Variants in SDK1 observed in about 807,000 individuals in gnomAD.
The protein encoded by SDK1 is sidekick cell adhesion molecule 1.
A neutral mutation model predicts 245.5 loss-of-function variants in SDK1; 157 were observed. The observed-to-expected ratio is 0.64, with a 90% CI of 0.56 to 0.73. The LOEUF (loss-of-function observed/expected upper bound fraction) is 0.73, where lower values mean the gene tolerates loss of function less well. Among genes scored for constraint, SDK1 ranks in the 30% least tolerant of loss-of-function variants. SDK1 has a pLI of 0.00. For missense variants in SDK1, 3,583 were observed against 3,002.3 expected, an observed-to-expected ratio of 1.19 and a Z score of -4.52; for synonymous variants, 1,647 against 1,278.5, an observed-to-expected ratio of 1.29 and a Z score of -6.15.
chr7:3,804,212 T>C (rs943609489), intron 4 of SDK1, among the ~76,000 whole-genome samples: 1 of 152,238 alleles, frequency 6.6e-6, no homozygotes, highest in African/African-American at 2.4e-5. Flanking sequence ...CCTAAAAATT[T>C]TACAGTTTTA....
intron 22 of SDK1, among the ~76,000 whole-genome samples, chr7:4,098,198 C>G (rs766871746): frequency 2.0e-5 from 3 of 152,120 alleles, no homozygotes; most frequent in Non-Finnish European, 2.9e-5. Flanking sequence ...TATTATGGGA[C>G]CTTTAAAACT....
chr7:4,256,365 G>A lies in SDK1; in HGVS notation c.6382-8759G>A, dbSNP rs571278386. Among the ~76,000 whole-genome samples the A allele has an allele frequency of 1.5e-4, 23 of 152,356 alleles. No homozygotes were observed. The East Asian group carries it at 4.0e-3, about 27-fold the overall frequency. On this transcript the variant is annotated intron_variant, in intron 44 of 44. Transcript: ENST00000404826. ...GCTAGTAACTCTGATATTCAGAGGG[G>A]ACTGGGAAGAAATGTGGGCTTTGGC...
chr7:4,266,181 G>A lies in SDK1; in HGVS notation c.*797G>A, dbSNP rs1318355708. The A allele has an allele frequency of 1.0e-6, 1 of 985,356 alleles. No individual in the cohort carries two copies. The highest frequency in any genetic ancestry group is 1.7e-5 in the African/African-American group (1 of 57,240). The allele number at this position is 985,356 out of a possible 1,614,324, so 61.0% of individuals were successfully genotyped here. On this transcript the variant is annotated 3_prime_UTR_variant, in exon 45 of 45. Coordinates refer to ENST00000404826, the MANE Select transcript of SDK1 (RefSeq NM_152744.4). ...ACACAGCACACGGTCAACTCCGCGG[G>A]ACACGAGGACACGGGACGGCGTCTC...
chr7:3,472,020 C>T (rs950987281), intron 1 of SDK1, among the ~76,000 whole-genome samples: 8 of 152,108 alleles, frequency 5.3e-5, no homozygotes, highest in African/African-American at 1.9e-4. Flanking sequence ...CTTTTGTAAT[C>T]GGTATGACCC....
intron 14 of SDK1, among the ~76,000 whole-genome samples, chr7:3,988,967 G>C (rs541237399): frequency 6.6e-6 from 1 of 152,246 alleles, no homozygotes; most frequent in African/African-American, 2.4e-5. Flanking sequence ...ATATTGGCCA[G>C]GCTGGTCTCA....
chr7:3,805,878 T>C (rs2115040607), intron 4 of SDK1, among the ~76,000 whole-genome samples: 1 of 152,296 alleles, frequency 6.6e-6, no homozygotes. Flanking sequence ...CTTTAAACCC[T>C]TTTTCTCCTT....
At chr7:3,632,472 G>T (rs561705749) in intron 2 of SDK1, among the ~76,000 whole-genome samples, 3 of 152,214 alleles carry the variant, frequency 2.0e-5, no homozygotes, top group Non-Finnish European at 2.9e-5. Flanking sequence ...AGTTATCGAA[G>T]ATTAACATCT....
chr7:3,517,535 C>G (rs1433924871), intron 1 of SDK1, among the ~76,000 whole-genome samples: 2 of 152,108 alleles, frequency 1.3e-5, no homozygotes, highest in Admixed American at 1.3e-4. Flanking sequence ...TGACCTGTTG[C>G]ATTAGGAAAT....
At chr7:4,044,976 C>T (rs939042747) in intron 17 of SDK1, among the ~76,000 whole-genome samples, 1 of 152,114 alleles carries the variant, frequency 6.6e-6, no homozygotes, top group African/African-American at 2.4e-5. Flanking sequence ...GTTTTTTCTT[C>T]TTATATCTTT....
intron 1 of SDK1, among the ~76,000 whole-genome samples, chr7:3,599,909 T>G (rs566707224): frequency 2.0e-4 from 31 of 152,330 alleles, no homozygotes; most frequent in Middle Eastern, 3.4e-3. Context: ...GTTTTAGATA[T>G]TCTACTTCCT....
chr7:4,040,120 C>T (rs1444679128), intron 17 of SDK1, among the ~76,000 whole-genome samples: 2 of 152,308 alleles, frequency 1.3e-5, no homozygotes, highest in South Asian at 2.1e-4. Flanking sequence ...TCAAATCTGT[C>T]TCACCACACT....
chr7:3,803,489 T>C (rs1779163487), intron 4 of SDK1, among the ~76,000 whole-genome samples: 3 of 151,744 alleles, frequency 2.0e-5, no homozygotes, highest in Admixed American at 1.3e-4. Context: ...TTTTGTATTT[T>C]TAGTAGAGAA....
chr7:3,642,451 G>C (rs937797607), intron 4 of SDK1, among the ~76,000 whole-genome samples: 1 of 152,096 alleles, frequency 6.6e-6, no homozygotes, highest in African/African-American at 2.4e-5. Flanking sequence ...CTAATTTAAT[G>C]AGTGCTGGTA....
intron 4 of SDK1, among the ~76,000 whole-genome samples, chr7:3,729,304 A>C (rs1277858741): frequency 6.6e-6 from 1 of 152,220 alleles, no homozygotes; most frequent in Non-Finnish European, 1.5e-5. Flanking sequence ...CTAATATATA[A>C]TTCCTTAACT....
intron 5 of SDK1, among the ~76,000 whole-genome samples, chr7:3,857,272 A>C (rs192028329): frequency 5.3e-5 from 8 of 152,334 alleles, no homozygotes; most frequent in Admixed American, 6.5e-5. Context: ...GCAGCAGGAC[A>C]AAATGGAAGG....
At chr7:3,435,424 G>A (rs1239998808) in intron 1 of SDK1, among the ~76,000 whole-genome samples, 1 of 146,820 alleles carries the variant, frequency 6.8e-6, no homozygotes, top group African/African-American at 2.6e-5. Flanking sequence ...TCTGCCTCCC[G>A]GGTTCAAGCA....
chr7:4,008,410 C>T (rs1177372201), intron 14 of SDK1, among the ~76,000 whole-genome samples: 2 of 152,242 alleles, frequency 1.3e-5, no homozygotes, highest in Non-Finnish European at 2.9e-5. Flanking sequence ...CTTGGCCAGT[C>T]GCCATGACAG....
At chr7:3,796,803 A>G (rs922994360) in intron 4 of SDK1, among the ~76,000 whole-genome samples, 9 of 152,100 alleles carry the variant, frequency 5.9e-5, no homozygotes, top group Admixed American at 3.9e-4. Flanking sequence ...ATTTTTGCCC[A>G]TTGGCTTTTC....
intron 1 of SDK1, among the ~76,000 whole-genome samples, chr7:3,538,700 G>A (rs1170012237): frequency 6.6e-6 from 1 of 152,204 alleles, no homozygotes. Flanking sequence ...TTCTGTGCCA[G>A]GCTTAGGGCA....
Sources: gnomAD v4.1 joint callset for allele counts (sites outside exome capture counted in the v4.1 genomes callset) on GRCh38, gnomAD v4.1.1 for gene constraint, MANE v1.5 for transcripts, NCBI Gene and HGNC (gene_info 2026-07-23, HGNC 2026-07-21) for gene names.